ATG10: variants seen among roughly 807,000 people sequenced by gnomAD.
ATG10 encodes the protein autophagy related 10, also known as ubiquitin-like-conjugating enzyme ATG10.
In ATG10, 30 loss-of-function variants were observed where a neutral mutation model predicts 32.1. The observed-to-expected ratio is 0.94, with a 90% CI of 0.70 to 1.27. ATG10 has a LOEUF of 1.27. Ranked by LOEUF, ATG10 falls within the 50% of genes most tolerant of loss-of-function variation. The pLI is 0.00. For missense variants in ATG10, 233 were observed against 262.3 expected, an observed-to-expected ratio of 0.89 and a Z score of 0.77; for synonymous variants, 87 against 91.5, an observed-to-expected ratio of 0.95 and a Z score of 0.28.
intron 5 of ATG10, among the ~76,000 whole-genome samples, chr5:82,206,413 T>C (rs1179679124): frequency 1.3e-5 from 2 of 152,038 alleles, no homozygotes; most frequent in Non-Finnish European, 2.9e-5. Context: ...TTTGGGAGGC[T>C]GAGGCGGGCG....
intron 5 of ATG10, among the ~76,000 whole-genome samples, chr5:82,220,841 G>A (rs1465087141): frequency 6.7e-6 from 1 of 149,572 alleles, no homozygotes; most frequent in East Asian, 2.0e-4. Flanking sequence ...GGCTCTCTGC[G>A]ACCTCTGCCT....
intron 5 of ATG10, among the ~76,000 whole-genome samples, chr5:82,183,441 C>T (rs1245570242): frequency 6.6e-6 from 1 of 151,470 alleles, no homozygotes; most frequent in East Asian, 1.9e-4. Context: ...ATGTTCCTCC[C>T]TGTGTTTTTT....
chr5:82,120,893 A>T (rs541940017), intron 3 of ATG10, among the ~76,000 whole-genome samples: 12 of 152,324 alleles, frequency 7.9e-5, no homozygotes, highest in African/African-American at 2.6e-4. Context: ...GTTTAGATTT[A>T]AAAGGTTCTA....
At chr5:81,999,248 A>C (rs901682508) in intron 2 of ATG10, among the ~76,000 whole-genome samples, 1 of 152,176 alleles carries the variant, frequency 6.6e-6, no homozygotes, top group African/African-American at 2.4e-5. Context: ...ACTAAAAAAC[A>C]TACAATTAAT....
intron 4 of ATG10, among the ~76,000 whole-genome samples, chr5:82,169,438 G>A (rs1033463532): frequency 1.3e-5 from 2 of 151,988 alleles, no homozygotes; most frequent in African/African-American, 2.4e-5. Flanking sequence ...ACATATTTTC[G>A]GGGAAAGATG....
intron 2 of ATG10, among the ~76,000 whole-genome samples, chr5:82,023,232 G>A (rs180886977): frequency 5.9e-5 from 9 of 151,708 alleles, no homozygotes; most frequent in East Asian, 5.8e-4. Context: ...TATATTAGGC[G>A]CTTAGATTTG....
Position 82,061,887 on chromosome 5 carries a change from A to C in ATG10, c.216+3285A>C, listed in dbSNP as rs987582436. Reference sequence around the variant, plus strand: ...GTCTCGCAGGCTGGAGTGCAGTGGCACAGTCAGTCATAGCTCACTGAATCA... The same window carrying C: ...GTCTCGCAGGCTGGAGTGCAGTGGCCCAGTCAGTCATAGCTCACTGAATCA... On this transcript the variant is annotated intron_variant, in intron 3 of 7. Transcript: ENST00000282185. 8.7e-5 allele frequency among the ~76,000 whole-genome samples: 11 copies of C among 126,770 alleles called. No individual in the cohort carries two copies. In the South Asian group the frequency reaches 2.9e-3, roughly 33 times the overall value. The allele number at this position is 126,770 out of a possible 152,430, so 83.2% of individuals were successfully genotyped here.
intron 2 of ATG10, among the ~76,000 whole-genome samples, chr5:82,038,927 A>G (rs1763010098): frequency 6.6e-6 from 1 of 152,206 alleles, no homozygotes. Context: ...AGCTCACTGT[A>G]ACCTCAGACT....
intron 2 of ATG10, among the ~76,000 whole-genome samples, chr5:82,033,723 T>G (rs1417326149): frequency 9.0e-6 from 1 of 111,356 alleles, no homozygotes; most frequent in African/African-American, 3.3e-5. Context: ...CTGTAAATAC[T>G]ATACAAACAC....
In ATG10 at chr5:82,033,178, A is replaced by G. The variant is rs1037730307; in HGVS notation, c.109-25317A>G. Among the ~76,000 whole-genome samples, 5 of 152,152 alleles carry G rather than the reference A, an allele frequency of 3.3e-5. No homozygotes were observed. The East Asian group carries it at 9.6e-4, about 29-fold the overall frequency. On this transcript the variant is annotated intron_variant, in intron 2 of 7. Coordinates refer to ENST00000282185, the MANE Select transcript of ATG10 (RefSeq NM_031482.5). ...CTTATTGATGGGCATTTAATTTGCTATTACAAAAGATAATTTAATAAATAT... is the reference window on the plus strand; with the variant it reads ...CTTATTGATGGGCATTTAATTTGCTGTTACAAAAGATAATTTAATAAATAT...
chr5:82,058,520 A>G lies in ATG10; in HGVS notation c.134A>G (p.Lys45Arg), dbSNP rs370509861. 8.7e-6 allele frequency: 14 copies of G among 1,613,138 alleles called. No individual in the cohort carries two copies. In the African/African-American group the frequency reaches 1.7e-4, roughly 20 times the overall value. ...GACTGTTCTGATGGCTACATGTGCA[A>G]AATACACTTTCAAATTAAGAATGGG... ...SKDCSDGYMC[K>R]IHFQIKNGSV... Residue 45 changes from lysine to arginine, a missense_variant, in exon 3 of 8, where the codon AAA becomes AGA. By Grantham distance (26) the Lys-to-Arg change is conservative (BLOSUM62 2). Transcript: ENST00000282185.
chr5:82,234,330 T>C (rs1264702479), intron 5 of ATG10, among the ~76,000 whole-genome samples: 2 of 152,162 alleles, frequency 1.3e-5, no homozygotes, highest in Non-Finnish European at 2.9e-5. Context: ...CTTCATCTGC[T>C]CTGTTTCCCA....
chr5:82,219,776 G>C (rs185815999), intron 5 of ATG10, among the ~76,000 whole-genome samples: 1 of 152,158 alleles, frequency 6.6e-6, no homozygotes, highest in Non-Finnish European at 1.5e-5. Flanking sequence ...TGCTCTACAT[G>C]CTTTAATTAC....
chr5:82,028,246 G>A (rs914067626), intron 2 of ATG10, among the ~76,000 whole-genome samples: 2 of 152,154 alleles, frequency 1.3e-5, no homozygotes, highest in African/African-American at 4.8e-5. Flanking sequence ...TCAGATTGAT[G>A]AATCTATACA....
At chr5:82,028,598 A>G (rs1163330089) in intron 2 of ATG10, among the ~76,000 whole-genome samples, 2 of 152,228 alleles carry the variant, frequency 1.3e-5, no homozygotes, top group Non-Finnish European at 2.9e-5. Context: ...TGGAGAATCT[A>G]CTGCAACTGA....
At chr5:82,179,599 C>T (rs1744158158) in intron 5 of ATG10, among the ~76,000 whole-genome samples, 1 of 152,128 alleles carries the variant, frequency 6.6e-6, no homozygotes, top group African/African-American at 2.4e-5. Context: ...TAAGTCATTA[C>T]TGCCTTGCTA....
intron 4 of ATG10, among the ~76,000 whole-genome samples, chr5:82,171,910 A>G (rs1370195207): frequency 6.6e-6 from 1 of 152,238 alleles, no homozygotes; most frequent in Non-Finnish European, 1.5e-5. Flanking sequence ...GATGGATAAT[A>G]CCATCAAGGA....
intron 3 of ATG10, among the ~76,000 whole-genome samples, chr5:82,074,512 C>T (rs1561285071): frequency 1.3e-5 from 2 of 151,938 alleles, no homozygotes; most frequent in South Asian, 2.1e-4. Context: ...TATCTGTGCT[C>T]CTTTCTTTCA....
At chr5:82,080,618 A>G (rs375973637) in intron 3 of ATG10, among the ~76,000 whole-genome samples, 2 of 152,098 alleles carry the variant, frequency 1.3e-5, no homozygotes, top group African/African-American at 2.4e-5. Context: ...ATTAAATAGG[A>G]AATCCTTTCC....
Sources: gnomAD v4.1 joint callset for allele counts (sites outside exome capture counted in the v4.1 genomes callset) on GRCh38, gnomAD v4.1.1 for gene constraint, MANE v1.5 for transcripts, NCBI Gene and HGNC (gene_info 2026-07-23, HGNC 2026-07-21) for gene names.